ETS1: variants seen among roughly 807,000 people sequenced by gnomAD.
ETS1 encodes the protein ETS proto-oncogene 1, transcription factor, also known as protein C-ets-1.
ETS1 carries 15 observed loss-of-function variants against 58.6 expected under a neutral mutation model. That is an observed-to-expected ratio of 0.26 (90% CI 0.17 to 0.39). ETS1 has a LOEUF of 0.39. ETS1 is among the 10% of genes least tolerant of loss of function. The pLI, the probability that ETS1 is intolerant of heterozygous loss-of-function variation, is 1.00. For missense variants in ETS1, 417 were observed against 610.5 expected, an observed-to-expected ratio of 0.68 and a Z score of 3.34; for synonymous variants, 214 against 218.2, an observed-to-expected ratio of 0.98 and a Z score of 0.17.
In ETS1 at chr11:128,531,480, G is replaced by A. The variant is rs12283066; in HGVS notation, c.214+24811C>T. 6.0e-3 allele frequency among the ~76,000 whole-genome samples: 913 copies of A among 152,296 alleles called. 6 individuals are homozygous for A. Among genetic ancestry groups the A allele is most frequent in the African/African-American group, 0.021 (872 of 41,568 alleles). On this transcript the variant is annotated intron_variant, in intron 3 of 9. Coordinates refer to ENST00000392668, the MANE Select transcript of ETS1 (RefSeq NM_001143820.2). The stretch of plus-strand genomic sequence containing the variant: ...AAACTGTAGTATATAGTATTCTTAT[G>A]AAGAAATGAGGACACAGTGTCCTAT...
rs1861909511 is a variant in ETS1 at position 128,461,714 on chromosome 11, A to T, written c.*647T>A. On this transcript the variant is annotated 3_prime_UTR_variant, in exon 10 of 10. Transcript: ENST00000392668. ...GCAAATAAAAACAAACTTACATGAT[A>T]TTGCAATACTGAGACCACCTTAGAG... 6.5e-6 allele frequency: 1 copy of T among 152,772 alleles called. No individual in the cohort carries two copies. The highest frequency in any genetic ancestry group is 6.5e-5 in the Admixed American group (1 of 15,282). The allele number at this position is 152,772 out of a possible 1,614,324, so 9.5% of individuals were successfully genotyped here.
intron 2 of ETS1, among the ~76,000 whole-genome samples, chr11:128,564,209 GA>G (rs1368648628): frequency 6.6e-6 from 1 of 152,208 alleles, no homozygotes; most frequent in African/African-American, 2.4e-5. Flanking sequence ...GGAGTTTGCT[GA>G]TCAAGCCTGA....
In ETS1 at chr11:128,480,308, G is replaced by C. The variant is rs370823358; in HGVS notation, c.1006C>G (p.Pro336Ala). The C allele has an allele frequency of 1.2e-6, 2 of 1,614,158 alleles. No homozygotes were observed. The highest frequency in any genetic ancestry group is 8.5e-7 in the Non-Finnish European group (1 of 1,180,028). ...SYDSFDSEDYPAALPNHKPKG... is the reference protein window; with the variant it reads ...SYDSFDSEDYAAALPNHKPKG... ...GGCTTGTGGTTGGGCAGGGCAGCCG[G>C]ATAGTCCTCTGAGTCGAAGCTGTCA... The change falls in exon 8 of 10, where the codon CCG becomes GCG. Residue 336 changes from proline (P) to alanine (A), a missense_variant. Around this residue, in one of 4 missense-constraint regions of ETS1, gnomAD observed 139 missense variants for 152.1 expected, o/e 0.91. Transcript: ENST00000392668.
intron 3 of ETS1, among the ~76,000 whole-genome samples, chr11:128,510,083 G>C (rs1472531236): frequency 6.6e-6 from 1 of 152,152 alleles, no homozygotes; most frequent in African/African-American, 2.4e-5. Context: ...GGCAAGGGAG[G>C]TGTAAGATTG....
intron 1 of ETS1, among the ~76,000 whole-genome samples, chr11:128,574,169 T>C (rs1318657006): frequency 6.6e-6 from 1 of 152,252 alleles, no homozygotes; most frequent in Non-Finnish European, 1.5e-5. Context: ...TAAACAGGCT[T>C]GGCAATATAA....
intron 3 of ETS1, among the ~76,000 whole-genome samples, chr11:128,502,760 C>A (rs575341724): frequency 7.2e-5 from 11 of 152,312 alleles, no homozygotes; most frequent in African/African-American, 2.6e-4. Flanking sequence ...CCTCCTACAG[C>A]CTTACTAAAA....
chr11:128,507,321 C>G (rs1863268423), intron 3 of ETS1, among the ~76,000 whole-genome samples: 1 of 152,138 alleles, frequency 6.6e-6, no homozygotes, highest in Non-Finnish European at 1.5e-5. Context: ...AAGGCCAGCG[C>G]TGGTTCAGGG....
At chr11:128,519,247 A>G (rs1863601264) in intron 3 of ETS1, among the ~76,000 whole-genome samples, 2 of 152,202 alleles carry the variant, frequency 1.3e-5, no homozygotes, top group Non-Finnish European at 2.9e-5. Context: ...AAAGTGCATA[A>G]AGGTTCTTGG....
intron 9 of ETS1, among the ~76,000 whole-genome samples, chr11:128,462,951 C>T (rs190010187): frequency 1.8e-4 from 28 of 152,290 alleles, no homozygotes; most frequent in African/African-American, 6.5e-4. Flanking sequence ...AAGTGTGAAG[C>T]GGAGGAGCTG....
chr11:128,535,427 T>C (rs991715640), intron 3 of ETS1, among the ~76,000 whole-genome samples: 7 of 152,200 alleles, frequency 4.6e-5, no homozygotes, highest in Admixed American at 2.6e-4. Flanking sequence ...AGCTCTTTCA[T>C]TTAATTAGAT....
intron 8 of ETS1, among the ~76,000 whole-genome samples, chr11:128,475,242 G>A (rs890347725): frequency 1.3e-5 from 2 of 152,200 alleles, no homozygotes; most frequent in East Asian, 1.9e-4. Context: ...TTTTGCAATC[G>A]AGCCTTCCTT....
In ETS1 at chr11:128,556,402, G is replaced by T. The variant is rs193272250; in HGVS notation, c.103C>A (p.Arg35=). 280 of 1,612,628 alleles carry T rather than the reference G, an allele frequency of 1.7e-4. No individual in the cohort carries two copies. In the African/African-American group the frequency reaches 3.2e-3, roughly 19 times the overall value. ...QGPSNTYEDP[R]MNCGFQSNYH... ...TTGGACTGGAAACCACAGTTCATTC[G>T]AGGATCTTCATAAGTGTTGCTAGGT... Residue 35 remains arginine (R), a synonymous_variant, in exon 3 of 10, where the codon CGA becomes AGA. Coordinates refer to ENST00000392668, the MANE Select transcript of ETS1 (RefSeq NM_001143820.2).
intron 2 of ETS1, among the ~76,000 whole-genome samples, chr11:128,565,781 C>T (rs1378550765): frequency 6.6e-6 from 1 of 152,184 alleles, no homozygotes; most frequent in African/African-American, 2.4e-5. Flanking sequence ...TGTGGATTCC[C>T]ACTTCTCTAG....
At chr11:128,506,466 G>A (rs1173911643) in intron 3 of ETS1, among the ~76,000 whole-genome samples, 2 of 152,198 alleles carry the variant, frequency 1.3e-5, no homozygotes, top group East Asian at 1.9e-4. Flanking sequence ...GACGATGAGT[G>A]CTGGGATCAC....
At chr11:128,547,691 A>C (rs1184039915) in intron 3 of ETS1, among the ~76,000 whole-genome samples, 3 of 151,998 alleles carry the variant, frequency 2.0e-5, no homozygotes, top group Admixed American at 2.0e-4. Flanking sequence ...CTGTTTTCTT[A>C]AATAGCAAGA....
intron 3 of ETS1, among the ~76,000 whole-genome samples, chr11:128,495,734 G>A (rs960063895): frequency 2.0e-5 from 3 of 152,206 alleles, no homozygotes; most frequent in African/African-American, 4.8e-5. Context: ...AAAAGAGAGA[G>A]AGGGGCGTGC....
chr11:128,469,464 C>T (rs1862126526), intron 8 of ETS1, among the ~76,000 whole-genome samples: 1 of 152,196 alleles, frequency 6.6e-6, no homozygotes, highest in South Asian at 2.1e-4. Flanking sequence ...TATCAATCTG[C>T]CTTTCATGCT....
intron 3 of ETS1, among the ~76,000 whole-genome samples, chr11:128,519,330 C>T (rs1399229011): frequency 6.6e-6 from 1 of 152,024 alleles, no homozygotes; most frequent in African/African-American, 2.4e-5. Flanking sequence ...TTCTTACTGC[C>T]TCTCTTTGGC....
chr11:128,478,716 C>A (rs900990588), intron 8 of ETS1, among the ~76,000 whole-genome samples: 1 of 152,200 alleles, frequency 6.6e-6, no homozygotes, highest in Non-Finnish European at 1.5e-5. Flanking sequence ...CAGTCTAGTT[C>A]TTTAACCCCT....
Sources: gnomAD v4.1 joint callset for allele counts (sites outside exome capture counted in the v4.1 genomes callset) on GRCh38, gnomAD v4.1.1 for gene constraint, gnomAD v4.1.1 regional missense constraint, MANE v1.5 for transcripts, NCBI Gene and HGNC (gene_info 2026-07-23, HGNC 2026-07-21) for gene names.